Variants in SPMIP4 observed in about 807,000 individuals in gnomAD.
SPMIP4 encodes sperm microtubule inner protein 4, also known as sperm-associated microtubule inner protein 4.
chr7:25,154,154 A>G, the SPMIP4 span, among the ~76,000 whole-genome samples: 1 of 152,188 alleles, frequency 6.6e-6, no homozygotes, highest in Non-Finnish European at 1.5e-5. Flanking sequence ...TTAGCTTTCA[A>G]AACGTTACTG....
the SPMIP4 span, among the ~76,000 whole-genome samples, chr7:25,162,301 A>T: frequency 6.6e-6 from 1 of 151,192 alleles, no homozygotes; most frequent in African/African-American, 2.4e-5. Context: ...TTAAAAAAAT[A>T]AAAAATAAAA....
At chr7:25,177,120 A>G in the SPMIP4 span, among the ~76,000 whole-genome samples, 1 of 152,352 alleles carries the variant, frequency 6.6e-6, no homozygotes, top group East Asian at 1.9e-4. Flanking sequence ...ATGATCTAAC[A>G]ATCAGGAGCA....
the SPMIP4 span, among the ~76,000 whole-genome samples, chr7:25,127,260 G>A: frequency 4.6e-5 from 7 of 151,994 alleles, no homozygotes; most frequent in South Asian, 2.1e-4. Flanking sequence ...TCATTATCTC[G>A]CTGAATAAAC....
chr7:25,173,589 T>A, the SPMIP4 span, among the ~76,000 whole-genome samples: 1 of 152,346 alleles, frequency 6.6e-6, no homozygotes, highest in East Asian at 1.9e-4. This position sits in a 1 kb window ranked among gnomAD's most constrained non-coding sequence, Gnocchi z 4.4. Context: ...GCAGAAGGGA[T>A]GCTGGCATTC....
chr7:25,172,255 G>A, the SPMIP4 span, among the ~76,000 whole-genome samples: 2 of 152,290 alleles, frequency 1.3e-5, no homozygotes, highest in African/African-American at 2.4e-5. The surrounding 1 kb of genome is among the most constrained non-coding windows in gnomAD (Gnocchi z 4.2). Flanking sequence ...AGCTCAGACT[G>A]ATTAAACTGC....
the SPMIP4 span, among the ~76,000 whole-genome samples, chr7:25,138,176 A>T: frequency 2.0e-5 from 3 of 152,130 alleles, no homozygotes; most frequent in East Asian, 5.8e-4. The surrounding 1 kb of genome is among the most constrained non-coding windows in gnomAD (Gnocchi z 6.2). Flanking sequence ...TTATGTGTGT[A>T]TTCTTTTGTT....
At chr7:25,168,918 G>A in the SPMIP4 span, among the ~76,000 whole-genome samples, 2 of 151,644 alleles carry the variant, frequency 1.3e-5, no homozygotes, top group East Asian at 1.9e-4. Flanking sequence ...TAGAGACGGG[G>A]GTCTCACCAT....
At chr7:25,164,462 A>G in the SPMIP4 span, among the ~76,000 whole-genome samples, 1 of 152,278 alleles carries the variant, frequency 6.6e-6, no homozygotes, top group African/African-American at 2.4e-5. Flanking sequence ...GGAGTTAATG[A>G]AACACTATAG....
At chr7:25,176,864 G>A in the SPMIP4 span, among the ~76,000 whole-genome samples, 2 of 152,274 alleles carry the variant, frequency 1.3e-5, no homozygotes, top group South Asian at 4.1e-4. This position sits in a 1 kb window ranked among gnomAD's most constrained non-coding sequence, Gnocchi z 4.4. Flanking sequence ...TTGTAAACCG[G>A]AGAAGATCTG....
At chr7:25,166,340 C>T in the SPMIP4 span, among the ~76,000 whole-genome samples, 1 of 149,620 alleles carries the variant, frequency 6.7e-6, no homozygotes, top group African/African-American at 2.5e-5. Context: ...GTAATCCCAG[C>T]ACTTTGGAAG....
the SPMIP4 span, among the ~76,000 whole-genome samples, chr7:25,157,916 A>G: frequency 6.6e-6 from 1 of 152,210 alleles, no homozygotes; most frequent in African/African-American, 2.4e-5. Flanking sequence ...CGTGTGATGT[A>G]TATGGGAACT....
the SPMIP4 span, among the ~76,000 whole-genome samples, chr7:25,150,963 C>A: frequency 3.9e-5 from 6 of 152,148 alleles, no homozygotes; most frequent in Non-Finnish European, 8.8e-5. Context: ...GCAAATCTTT[C>A]TGGAAATCTC....
the SPMIP4 span, among the ~76,000 whole-genome samples, chr7:25,143,629 C>A: frequency 6.7e-6 from 1 of 148,188 alleles, no homozygotes; most frequent in Non-Finnish European, 1.5e-5. Context: ...TCTCACCCTG[C>A]CACCCAGGCT....
At chr7:25,132,056 G>C in the SPMIP4 span, among the ~76,000 whole-genome samples, 1 of 152,220 alleles carries the variant, frequency 6.6e-6, no homozygotes, top group Non-Finnish European at 1.5e-5. This position sits in a 1 kb window ranked among gnomAD's most constrained non-coding sequence, Gnocchi z 5.0. Flanking sequence ...GAGTGAAATA[G>C]AGTGAAAACA....
the SPMIP4 span, chr7:25,179,479 GA>G: frequency 1.0e-3 from 556 of 544,576 alleles, 1 homozygote; most frequent in African/African-American, 9.7e-3. Flanking sequence ...GTAATAAATA[GA>G]GACCTAAATA....
At chr7:25,161,015 T>A in the SPMIP4 span, among the ~76,000 whole-genome samples, 1 of 152,212 alleles carries the variant, frequency 6.6e-6, no homozygotes, top group Non-Finnish European at 1.5e-5. Flanking sequence ...ATTGGTTTGT[T>A]ATTTATTTGC....
the SPMIP4 span, among the ~76,000 whole-genome samples, chr7:25,137,397 A>G: frequency 1.3e-5 from 2 of 151,216 alleles, no homozygotes; most frequent in Non-Finnish European, 2.9e-5. Flanking sequence ...TATTAGAGTA[A>G]TGCGAACCTC....
At chr7:25,175,161 T>C in the SPMIP4 span, among the ~76,000 whole-genome samples, 11 of 152,280 alleles carry the variant, frequency 7.2e-5, no homozygotes, top group Admixed American at 7.2e-4. Context: ...GAATCTGTTT[T>C]TCTAGAAAGC....
chr7:25,126,934 T>C, the SPMIP4 span, among the ~76,000 whole-genome samples: 1 of 152,214 alleles, frequency 6.6e-6, no homozygotes, highest in African/African-American at 2.4e-5. Flanking sequence ...CCCTCACATC[T>C]GAAGGATATT....
Sources: gnomAD v4.1 joint callset for allele counts (sites outside exome capture counted in the v4.1 genomes callset) on GRCh38, gnomAD v4.1.1 for gene constraint, Gnocchi (gnomAD v3.1) non-coding constraint, MANE v1.5 for transcripts, NCBI Gene and HGNC (gene_info 2026-07-23, HGNC 2026-07-21) for gene names.